Variants in DACH1 observed in about 807,000 individuals in gnomAD.
DACH1 encodes dachshund homolog 1.
Under a neutral mutation model 54.2 loss-of-function variants are expected in DACH1, and 12 were observed. The observed-to-expected ratio is 0.22, with a 90% CI of 0.14 to 0.36. The LOEUF is 0.36. DACH1 is among the 10% of genes least tolerant of loss of function. The probability of loss-of-function intolerance (pLI) is 1.00; values close to 1 mark genes in which losing one functional copy is unlikely to be tolerated. For missense variants in DACH1, 805 were observed against 929.8 expected (o/e 0.87, Z 1.75); for synonymous variants, 386 against 366.2 (o/e 1.05, Z -0.62).
In DACH1 at chr13:71,765,195, T is replaced by C. The variant is rs562175708; in HGVS notation, c.849-83285A>G. 4.6e-5 allele frequency among the ~76,000 whole-genome samples: 7 copies of C among 152,306 alleles called. No homozygotes were observed. The South Asian group carries it at 1.2e-3, about 27-fold the overall frequency. Reference sequence around the variant, plus strand: ...TTCCTCATTCTGTATTCCCTTCCTGTTGCACCATCCATCAAGTCATACAAA... The same window carrying C: ...TTCCTCATTCTGTATTCCCTTCCTGCTGCACCATCCATCAAGTCATACAAA... On this transcript the variant is annotated intron_variant, in intron 1 of 10. Transcript: ENST00000613252.
At chr13:71,499,304 T>C (rs568664987) in intron 6 of DACH1, among the ~76,000 whole-genome samples, 2 of 152,284 alleles carry the variant, frequency 1.3e-5, no homozygotes, top group Admixed American at 6.5e-5. Context: ...AGGTTTAACC[T>C]CACTGCTGAT....
chr13:71,474,695 A>G (rs966413762), intron 10 of DACH1, among the ~76,000 whole-genome samples: 1 of 152,186 alleles, frequency 6.6e-6, no homozygotes, highest in Non-Finnish European at 1.5e-5. Flanking sequence ...TTTATTGTTA[A>G]CATTCAACTA....
intron 3 of DACH1, among the ~76,000 whole-genome samples, chr13:71,612,660 C>T (rs1875421113): frequency 6.6e-6 from 1 of 152,082 alleles, no homozygotes; most frequent in Admixed American, 6.6e-5. Flanking sequence ...ACAATATTAA[C>T]GTTTTATGTT....
At chr13:71,542,357 A>G (rs1215192667) in intron 6 of DACH1, among the ~76,000 whole-genome samples, 1 of 152,164 alleles carries the variant, frequency 6.6e-6, no homozygotes, top group Non-Finnish European at 1.5e-5. Flanking sequence ...ATTGTGGTTC[A>G]GATAAACTTA....
At chr13:71,696,714 A>C in intron 1 of DACH1, among the ~76,000 whole-genome samples, 1 of 151,814 alleles carries the variant, frequency 6.6e-6, no homozygotes, top group East Asian at 1.9e-4. Context: ...CACCCGACTA[A>C]TTTTGTGTTT....
At chr13:71,690,027 G>A (rs897463470) in intron 1 of DACH1, among the ~76,000 whole-genome samples, 5 of 152,000 alleles carry the variant, frequency 3.3e-5, no homozygotes, top group African/African-American at 1.2e-4. Context: ...TATTTTTGGA[G>A]CCTAACCTTA....
intron 6 of DACH1, among the ~76,000 whole-genome samples, chr13:71,496,329 CAT>C (rs541267865): frequency 1.5e-4 from 15 of 97,962 alleles, no homozygotes; most frequent in African/African-American, 4.5e-4. Flanking sequence ...AGATATGCAA[CAT>C]ATATATATAT....
chr13:71,556,013 T>G (rs983043229), intron 6 of DACH1, among the ~76,000 whole-genome samples: 1 of 152,216 alleles, frequency 6.6e-6, no homozygotes, highest in Non-Finnish European at 1.5e-5. Context: ...TCTAAGGGAT[T>G]TAGCAGAGCT....
At chr13:71,857,779 A>C (rs932769703) in intron 1 of DACH1, among the ~76,000 whole-genome samples, 4 of 151,772 alleles carry the variant, frequency 2.6e-5, no homozygotes, top group African/African-American at 9.7e-5. Flanking sequence ...ATTTTGAATA[A>C]TCAAATTAAA....
chr13:71,613,957 G>A (rs1875545298), intron 3 of DACH1, among the ~76,000 whole-genome samples: 1 of 152,072 alleles, frequency 6.6e-6, no homozygotes, highest in African/African-American at 2.4e-5. Flanking sequence ...AAAAGTACCG[G>A]GATTACAGAC....
chr13:71,462,953 TTGTG>T (rs1876226588), intron 10 of DACH1, among the ~76,000 whole-genome samples: 1 of 150,186 alleles, frequency 6.7e-6, no homozygotes, highest in African/African-American at 2.5e-5. Flanking sequence ...GTGCATGTGT[TTGTG>T]TGTCTATACT....
At chr13:71,450,532 A>G (rs950492985) in intron 10 of DACH1, among the ~76,000 whole-genome samples, 1 of 152,062 alleles carries the variant, frequency 6.6e-6, no homozygotes, top group African/African-American at 2.4e-5. Context: ...AATTACGTCA[A>G]TTAATAATCT....
chr13:71,530,286 C>T (rs1162095162), intron 6 of DACH1, among the ~76,000 whole-genome samples: 2 of 152,148 alleles, frequency 1.3e-5, no homozygotes, highest in Non-Finnish European at 2.9e-5. Context: ...TCACATTGCA[C>T]TTGCAGAAAG....
In DACH1 at chr13:71,558,958, T is replaced by G. The variant is rs201923736; in HGVS notation, c.1435+862A>C. On this transcript the variant is annotated intron_variant, in intron 5 of 10. Transcript: ENST00000613252. ...ACAACCAAATAACTTAAATAAACTT[T>G]GTACAATTAGATGAAGTGTATGCTA... 3.3e-5 allele frequency among the ~76,000 whole-genome samples: 5 copies of G among 152,168 alleles called. No individual in the cohort carries two copies. The East Asian group carries it at 9.6e-4, about 29-fold the overall frequency.
At chr13:71,732,235 C>T (rs1214304368) in intron 1 of DACH1, among the ~76,000 whole-genome samples, 14 of 152,050 alleles carry the variant, frequency 9.2e-5, no homozygotes, top group Non-Finnish European at 1.5e-5. Context: ...CCTTCATTAC[C>T]TCTTCTACTG....
intron 10 of DACH1, among the ~76,000 whole-genome samples, chr13:71,466,973 T>A (rs1421640542): frequency 6.6e-6 from 1 of 151,744 alleles, no homozygotes; most frequent in East Asian, 1.9e-4. Flanking sequence ...AGACATATAA[T>A]AACAATGGTT....
chr13:71,785,920 T>C (rs778971830), intron 1 of DACH1, among the ~76,000 whole-genome samples: 8 of 152,102 alleles, frequency 5.3e-5, no homozygotes, highest in Non-Finnish European at 8.8e-5. Flanking sequence ...ACAGGCAGGG[T>C]CCTCTCAACT....
intron 1 of DACH1, among the ~76,000 whole-genome samples, chr13:71,854,930 T>C (rs944623584): frequency 1.3e-5 from 2 of 152,198 alleles, no homozygotes; most frequent in South Asian, 4.1e-4. Flanking sequence ...GAAAAATTGT[T>C]AATTTACAGT....
At chr13:71,673,932 T>C (rs558925600) in intron 2 of DACH1, among the ~76,000 whole-genome samples, 157 of 151,934 alleles carry the variant, frequency 1.0e-3, no homozygotes, top group African/African-American at 3.7e-3. Context: ...TATACTTCCA[T>C]TAGGCTCTAC....
Sources: allele counts gnomAD v4.1 joint callset (sites outside exome capture counted in the v4.1 genomes callset), GRCh38; gene constraint gnomAD v4.1.1; transcripts MANE v1.5; gene names NCBI Gene and HGNC (gene_info 2026-07-23, HGNC 2026-07-21).